The following DNAH5 variants were observed in gnomAD, a reference collection of about 807,000 sequenced individuals.
DNAH5 encodes the protein axonemal beta dynein heavy chain 5.
A neutral mutation model predicts 518.2 loss-of-function variants in DNAH5; 372 were observed. The ratio of observed to expected loss-of-function variants is 0.72; its 90% confidence interval spans 0.66 to 0.78. DNAH5 has a LOEUF of 0.78. Ranked by LOEUF, DNAH5 falls within the 30% of genes least tolerant of loss-of-function variation. DNAH5 has a pLI of 0.00. For missense variants in DNAH5, 5,523 were observed against 5,687.0 expected, an observed-to-expected ratio of 0.97 and a Z score of 0.93; for synonymous variants, 2,039 against 2,025.9, an observed-to-expected ratio of 1.01 and a Z score of -0.17.
chr5:13,937,379 C>T (rs1265859865), intron 1 of DNAH5, among the ~76,000 whole-genome samples: 1 of 150,984 alleles, frequency 6.6e-6, no homozygotes, highest in Non-Finnish European at 1.5e-5. Flanking sequence ...CCAGTGTGGA[C>T]TGGTACCCAG....
intron 22 of DNAH5, among the ~76,000 whole-genome samples, chr5:13,873,034 C>T (rs908106096): frequency 6.6e-5 from 10 of 152,062 alleles, no homozygotes; most frequent in Admixed American, 6.6e-5. Flanking sequence ...GTGATGGATA[C>T]CCTAAAATCC....
chr5:13,986,545 C>T (rs1783066332), intron 1 of DNAH5, among the ~76,000 whole-genome samples: 1 of 152,156 alleles, frequency 6.6e-6, no homozygotes, highest in Non-Finnish European at 1.5e-5. Flanking sequence ...TCCAAAAAGA[C>T]TATGGACACA....
Position 13,717,578 on chromosome 5 carries a change from T to C in DNAH5, c.12500-58A>G, listed in dbSNP as rs1051200747. ...TCTCTCAAATGTCTTTATTTTCTAC[T>C]ACTTTTATAAGTAATCATTTTTGTA... On this transcript the variant is annotated intron_variant, in intron 72 of 78. Coordinates refer to ENST00000265104, the MANE Select transcript of DNAH5 (RefSeq NM_001369.3). The C allele has an allele frequency of 5.2e-6, 7 of 1,350,188 alleles. No individual in the cohort carries two copies. In the African/African-American group the frequency reaches 8.7e-5, roughly 17 times the overall value. The allele number at this position is 1,350,188 out of a possible 1,614,324, so 83.6% of individuals were successfully genotyped here.
chr5:13,961,815 A>G (rs531512063), intron 1 of DNAH5, among the ~76,000 whole-genome samples: 30 of 152,002 alleles, frequency 2.0e-4, no homozygotes, highest in Non-Finnish European at 3.7e-4. Context: ...AACCTGACCC[A>G]AAGCTTCCTC....
At position 13,921,756 on chromosome 5, in the gene DNAH5, C is replaced by CCCCCA. The variant is rs562419104; in HGVS notation, c.660+350_660+351insTGGGG. On this transcript the variant is annotated intron_variant, in intron 5 of 78. Transcript: ENST00000265104. Reference sequence around the variant, plus strand: ...CCATCTGCCGCCCACACACACCCCCCCACACACACACACACTTCAGTTCCA... The same window carrying CCCCCA: ...CCATCTGCCGCCCACACACACCCCCCCCCCACACACACACACACACTTCAGTTCCA... Among the ~76,000 whole-genome samples, 55 of 145,272 alleles carry CCCCCA rather than the reference C, an allele frequency of 3.8e-4. 1 individual carries two copies. The highest frequency in any genetic ancestry group is 1.5e-3 in the East Asian group (7 of 4,530).
intron 1 of DNAH5, among the ~76,000 whole-genome samples, chr5:13,988,042 A>G (rs1451730849): frequency 6.6e-6 from 1 of 152,150 alleles, no homozygotes; most frequent in African/African-American, 2.4e-5. Flanking sequence ...GTGAGCTTTC[A>G]CCATCTTTGC....
rs374559122 is a variant in DNAH5 at position 13,866,320 on chromosome 5, G to A, written c.4054-38C>T. The stretch of plus-strand genomic sequence containing the variant: ...TAAAAAAAGAAAAATAGAAGGAAGT[G>A]TTTGCATATAAATTTCATGAACTCA... On this transcript the variant is annotated intron_variant, in intron 25 of 78. Transcript: ENST00000265104. 6 of 1,553,216 alleles carry A rather than the reference G, an allele frequency of 3.9e-6. No homozygotes were observed. The Admixed American group carries it at 8.5e-5, about 22-fold the overall frequency.
chr5:13,718,789 T>A, intron 72 of DNAH5, 93 bp downstream of exon 72: 1 of 1,065,316 alleles, frequency 9.4e-7, no homozygotes, highest in Non-Finnish European at 1.4e-6. Flanking sequence ...CTATTTGCTA[T>A]AACTGTATCC....
intron 74 of DNAH5, among the ~76,000 whole-genome samples, chr5:13,715,999 G>C (rs40392): frequency 0.39 from 59,494 of 152,122 alleles, 11,760 homozygotes; most frequent in South Asian, 0.44. Flanking sequence ...TCCTAGAGGA[G>C]GTTCTTACAC....
chr5:13,799,746 A>G (rs1349437502), intron 47 of DNAH5, among the ~76,000 whole-genome samples: 2 of 152,192 alleles, frequency 1.3e-5, no homozygotes, highest in Non-Finnish European at 2.9e-5. Flanking sequence ...GAATGTTTTC[A>G]GATTTGGGAA....
rs753351544 is a variant in DNAH5, at chr5:13,752,217, T to C, written c.10945A>G (p.Ile3649Val). Residue 3649 changes from isoleucine to valine, a missense_variant, in exon 64 of 79, where the codon ATT (isoleucine) becomes GTT (valine). Ile to Val is a conservative substitution (Grantham distance 29, BLOSUM62 3). Coordinates refer to ENST00000265104, the MANE Select transcript of DNAH5 (RefSeq NM_001369.3). ...DSLSLGRPLL[I>V]EDVGEELDPA... ...TCTAGTTCCTCTCCAACATCTTCAATAAGCAAAGGCCTTCCAAGAGAAAGG... is the reference window on the plus strand; with the variant it reads ...TCTAGTTCCTCTCCAACATCTTCAACAAGCAAAGGCCTTCCAAGAGAAAGG... The C allele has an allele frequency of 6.2e-7, 1 of 1,614,056 alleles. No homozygotes were observed. Among genetic ancestry groups the C allele is most frequent in the African/African-American group, 1.3e-5 (1 of 75,032 alleles).
rs368465529 is a variant in DNAH5 at position 13,780,964 on chromosome 5, A to C, written c.8821-5T>G. Reference sequence around the variant, plus strand: ...AGTACGAATGACACGAGAGATCTGTAATATGGAACAGAAAAAGTATGTATC... The same window carrying C: ...AGTACGAATGACACGAGAGATCTGTCATATGGAACAGAAAAAGTATGTATC... On this transcript the variant is annotated splice_region_variant and splice_polypyrimidine_tract_variant and intron_variant, in intron 52 of 78. Transcript: ENST00000265104. 21 of 1,613,342 alleles carry C rather than the reference A, an allele frequency of 1.3e-5. No homozygotes were observed. The highest frequency in any genetic ancestry group is 1.7e-5 in the Non-Finnish European group (20 of 1,179,560).
At chr5:13,962,982 C>T (rs984770599) in intron 1 of DNAH5, among the ~76,000 whole-genome samples, 32 of 152,116 alleles carry the variant, frequency 2.1e-4, no homozygotes, top group Admixed American at 1.7e-3. Flanking sequence ...ACAGTCGCCG[C>T]GTCCCAAGAG....
intron 7 of DNAH5, among the ~76,000 whole-genome samples, chr5:13,918,701 C>G (rs1776920865): frequency 6.6e-6 from 1 of 152,172 alleles, no homozygotes; most frequent in African/African-American, 2.4e-5. Flanking sequence ...AACTCCTGAC[C>G]TTGTGATCCA....
intron 43 of DNAH5, among the ~76,000 whole-genome samples, chr5:13,813,212 G>A (rs923304559): frequency 2.6e-5 from 4 of 152,168 alleles, no homozygotes; most frequent in African/African-American, 9.7e-5. Context: ...GGTGGGTATA[G>A]CATTAAAGTA....
intron 1 of DNAH5, among the ~76,000 whole-genome samples, chr5:13,989,385 G>GAA (rs200806487): frequency 7.3e-6 from 1 of 136,476 alleles, no homozygotes; most frequent in Admixed American, 7.3e-5. Flanking sequence ...GTTGTAAAAT[G>GAA]AAAAAAAAAA....
At position 13,839,417 on chromosome 5, in the gene DNAH5, T is replaced by C. The variant is rs754033261; in HGVS notation, c.5821A>G (p.Ile1941Val). Reference protein sequence around the residue: ...MMIHITDVAFIYQNEFLGCTD... With the variant: ...MMIHITDVAFVYQNEFLGCTD... ...CAGCCTAAAAATTCATTCTGGTATA[T>C]GAACGCCACATCTGTGATGTGAATC... Residue 1941 changes from isoleucine to valine, a missense_variant, in exon 35 of 79, where the codon ATA becomes GTA. Coordinates refer to ENST00000265104, the MANE Select transcript of DNAH5 (RefSeq NM_001369.3). 1 of 1,614,074 alleles carries C rather than the reference T, an allele frequency of 6.2e-7. No homozygotes were observed. The highest frequency in any genetic ancestry group is 8.5e-7 in the Non-Finnish European group (1 of 1,179,908).
chr5:13,699,389 A>G (rs1305262128), intron 78 of DNAH5, among the ~76,000 whole-genome samples: 4 of 152,130 alleles, frequency 2.6e-5, no homozygotes, highest in African/African-American at 4.8e-5. Flanking sequence ...GCTGGTAACT[A>G]TTAGACATCC....
intron 76 of DNAH5, 72 bp from the exon 77 acceptor site, chr5:13,701,508 GAAAA>G: frequency 2.8e-6 from 3 of 1,053,346 alleles, no homozygotes; most frequent in South Asian, 1.5e-5. Flanking sequence ...TATGTTCACT[GAAAA>G]AAAAAAAAGA....
Sources: gnomAD v4.1 joint callset for allele counts (sites outside exome capture counted in the v4.1 genomes callset) on GRCh38, gnomAD v4.1.1 for gene constraint, MANE v1.5 for transcripts, NCBI Gene and HGNC (gene_info 2026-07-23, HGNC 2026-07-21) for gene names.